Variants in CCDC7 observed in about 807,000 individuals in gnomAD.
CCDC7 encodes coiled-coil domain containing 7.
Under a neutral mutation model 196.9 loss-of-function variants are expected in CCDC7, and 183 were observed. That is an observed-to-expected ratio of 0.93 (90% CI 0.82 to 1.05). The LOEUF (loss-of-function observed/expected upper bound fraction) is 1.05, where lower values mean the gene tolerates loss of function less well. Ranked by LOEUF, CCDC7 falls within the 50% of genes least tolerant of loss-of-function variation. The pLI, the probability that CCDC7 is intolerant of heterozygous loss-of-function variation, is 0.00. For synonymous variants in CCDC7, 525 were observed against 484.6 expected, an observed-to-expected ratio of 1.08 and a Z score of -1.10; for missense variants, 1,540 against 1,482.2, an observed-to-expected ratio of 1.04 and a Z score of -0.64.
chr10:32,733,075 G>T (rs1565328244), intron 28 of CCDC7, among the ~76,000 whole-genome samples: 2 of 151,894 alleles, frequency 1.3e-5, no homozygotes, highest in African/African-American at 4.8e-5. Flanking sequence ...TGCCTGATCT[G>T]TTTTTGAATC....
chr10:32,727,375 T>C (rs1038962951), intron 26 of CCDC7, among the ~76,000 whole-genome samples: 1 of 152,152 alleles, frequency 6.6e-6, no homozygotes, highest in African/African-American at 2.4e-5. Flanking sequence ...TCAAGTTTCT[T>C]GTGTGGTGGG....
intron 28 of CCDC7, among the ~76,000 whole-genome samples, chr10:32,767,806 A>T (rs2078565040): frequency 6.6e-6 from 1 of 152,148 alleles, no homozygotes. Context: ...AAATGGAGAT[A>T]TGTGACCTCT....
chr10:32,591,297 C>G (rs189885109), intron 18 of CCDC7, among the ~76,000 whole-genome samples: 3 of 151,788 alleles, frequency 2.0e-5, no homozygotes, highest in Admixed American at 6.6e-5. Context: ...TTTTCTTCTG[C>G]CTGATCAGTT....
chr10:32,581,481 A>G (rs2058726527), intron 16 of CCDC7, among the ~76,000 whole-genome samples: 1 of 151,306 alleles, frequency 6.6e-6, no homozygotes, highest in African/African-American at 2.4e-5. Context: ...CTCCTTCACC[A>G]TCTAATCAGT....
At chr10:32,729,944 T>C (rs1328009263) in intron 28 of CCDC7, among the ~76,000 whole-genome samples, 2 of 152,204 alleles carry the variant, frequency 1.3e-5, no homozygotes, top group Non-Finnish European at 2.9e-5. Flanking sequence ...CTTTGTGATT[T>C]TGCTATGTCT....
At chr10:32,756,851 G>A (rs191508982) in intron 28 of CCDC7, among the ~76,000 whole-genome samples, 1,565 of 152,258 alleles carry the variant, frequency 0.01, 15 homozygotes, top group Non-Finnish European at 0.017. Context: ...GTATTCAGGA[G>A]TCCCATCTCA....
intron 21 of CCDC7, among the ~76,000 whole-genome samples, chr10:32,666,592 G>A (rs2072795073): frequency 6.9e-6 from 1 of 143,944 alleles, no homozygotes; most frequent in African/African-American, 2.6e-5. Flanking sequence ...TGTTCTCATT[G>A]TTCAATTCCT....
rs111585163 is a variant in CCDC7 at position 32,567,914 on chromosome 10, G to C, written c.1419+23G>C. On this transcript the variant is annotated intron_variant, in intron 15 of 41. Transcript: ENST00000639629. ...CAGGTGAGGAAATAACCAAAATGGA[G>C]ACAGTAGTATATGTTGTGAGAAATT... The C allele has an allele frequency of 6.9e-6, 11 of 1,601,328 alleles. No homozygotes were observed. The African/African-American group carries it at 9.4e-5, about 14-fold the overall frequency.
At chr10:32,812,048 A>G (rs985588996) in intron 30 of CCDC7, among the ~76,000 whole-genome samples, 1 of 152,118 alleles carries the variant, frequency 6.6e-6, no homozygotes, top group African/African-American at 2.4e-5. Flanking sequence ...ACTTAGGCAT[A>G]AAAGGAATGT....
At chr10:32,721,483 G>C (rs569270836) in intron 25 of CCDC7, among the ~76,000 whole-genome samples, 2 of 152,208 alleles carry the variant, frequency 1.3e-5, no homozygotes, top group Admixed American at 1.3e-4. Context: ...CAATCCTGTT[G>C]GTCAGAACAC....
intron 28 of CCDC7, among the ~76,000 whole-genome samples, chr10:32,732,923 G>C (rs1325860693): frequency 6.6e-6 from 1 of 152,026 alleles, no homozygotes; most frequent in Non-Finnish European, 1.5e-5. Context: ...TGTATTATAT[G>C]TGTTAAATGT....
At chr10:32,531,094 T>G (rs559508909) in intron 11 of CCDC7, among the ~76,000 whole-genome samples, 4 of 152,310 alleles carry the variant, frequency 2.6e-5, no homozygotes, top group South Asian at 2.1e-4. Context: ...TTTATGTTCC[T>G]GGGATGATGG....
chr10:32,456,060 T>C (rs1304707604), intron 2 of CCDC7, among the ~76,000 whole-genome samples, 191 bp from the exon 4 acceptor site: 1 of 152,248 alleles, frequency 6.6e-6, no homozygotes, highest in African/African-American at 2.4e-5. Context: ...CAAAGTGTAC[T>C]TTCTTTCATA....
chr10:32,637,298 C>T (rs1388342018), intron 20 of CCDC7, among the ~76,000 whole-genome samples: 8 of 152,104 alleles, frequency 5.3e-5, no homozygotes, highest in African/African-American at 1.9e-4. Context: ...ACATGAAGTC[C>T]TTGCCCATGC....
At chr10:32,821,391 G>A (rs1338637637) in intron 31 of CCDC7, among the ~76,000 whole-genome samples, 1 of 152,138 alleles carries the variant, frequency 6.6e-6, no homozygotes, top group Non-Finnish European at 1.5e-5. Context: ...AACCATTGTG[G>A]AAGTCAGTGT....
At chr10:32,866,886 T>C (rs1219789332) in intron 41 of CCDC7, among the ~76,000 whole-genome samples, 1 of 151,626 alleles carries the variant, frequency 6.6e-6, no homozygotes, top group Non-Finnish European at 1.5e-5. Context: ...ATGATCAAAA[T>C]TGCCATCACA....
chr10:32,825,619 G>C (rs1420525565), intron 32 of CCDC7, among the ~76,000 whole-genome samples: 2 of 152,142 alleles, frequency 1.3e-5, no homozygotes, highest in Admixed American at 6.6e-5. Flanking sequence ...AGTGGTTCTA[G>C]AGGAACAGAA....
At chr10:32,869,242 C>T (rs1187714253) in intron 41 of CCDC7, among the ~76,000 whole-genome samples, 2 of 152,140 alleles carry the variant, frequency 1.3e-5, no homozygotes, top group African/African-American at 2.4e-5. Flanking sequence ...TGTTTCCTGA[C>T]TTTTCAATGA....
At chr10:32,713,883 T>C (rs2081207861) in intron 25 of CCDC7, among the ~76,000 whole-genome samples, 1 of 152,238 alleles carries the variant, frequency 6.6e-6, no homozygotes, top group South Asian at 2.1e-4. Context: ...CTATATCTGA[T>C]TGACATGACC....
Sources: gnomAD v4.1 joint callset for allele counts (sites outside exome capture counted in the v4.1 genomes callset) on GRCh38, gnomAD v4.1.1 for gene constraint, MANE v1.5 for transcripts, NCBI Gene and HGNC (gene_info 2026-07-23, HGNC 2026-07-21) for gene names.